CDIN1: variants seen among roughly 807,000 people sequenced by gnomAD.
CDIN1 encodes the protein CDAN1-interacting nuclease 1.
CDIN1 carries 33 observed loss-of-function variants against 45.3 expected under a neutral mutation model. That is an observed-to-expected ratio of 0.73 (90% CI 0.55 to 0.97). The LOEUF is 0.97. CDIN1 is among the 50% of genes least tolerant of loss of function. CDIN1 has a pLI of 0.00. For synonymous variants in CDIN1, 118 were observed against 124.4 expected (o/e 0.95, Z 0.34); for missense variants, 303 against 339.4 (o/e 0.89, Z 0.84).
intron 7 of CDIN1, among the ~76,000 whole-genome samples, chr15:36,695,037 A>G (rs1054515289): frequency 3.3e-5 from 5 of 152,226 alleles, no homozygotes; most frequent in Admixed American, 3.3e-4. Context: ...TAGAAATTTA[A>G]AAAGCACAGC....
At chr15:36,741,209 C>T (rs16963976) in intron 10 of CDIN1, among the ~76,000 whole-genome samples, 6 of 152,128 alleles carry the variant, frequency 3.9e-5, no homozygotes, top group Non-Finnish European at 8.8e-5. Context: ...CCAGAACCAC[C>T]CTGATGCATG....
intron 1 of CDIN1, among the ~76,000 whole-genome samples, chr15:36,620,504 C>T (rs1383158001): frequency 6.6e-6 from 1 of 152,014 alleles, no homozygotes; most frequent in African/African-American, 2.4e-5. Flanking sequence ...ATATGTTATT[C>T]TCTGTTCTTT....
intron 3 of CDIN1, among the ~76,000 whole-genome samples, chr15:36,650,105 C>T (rs943887688): frequency 2.0e-5 from 3 of 152,168 alleles, no homozygotes; most frequent in African/African-American, 7.2e-5. Context: ...AAAGCTGGCT[C>T]CTCCGCCAGT....
intron 10 of CDIN1, among the ~76,000 whole-genome samples, chr15:36,732,033 A>G (rs1020609437): frequency 4.6e-5 from 7 of 152,192 alleles, no homozygotes; most frequent in African/African-American, 1.7e-4. Context: ...ATGAATGATT[A>G]TCACAGTTTT....
chr15:36,696,799 T>A (rs1210068932), intron 7 of CDIN1, among the ~76,000 whole-genome samples: 1 of 151,960 alleles, frequency 6.6e-6, no homozygotes, highest in Non-Finnish European at 1.5e-5. Context: ...AAATCTTTGT[T>A]TGCCAAAATA....
chr15:36,729,291 G>GA (rs2043756565), intron 10 of CDIN1, among the ~76,000 whole-genome samples: 1 of 151,940 alleles, frequency 6.6e-6, no homozygotes, highest in East Asian at 1.9e-4. Context: ...AATTTGGTTG[G>GA]AAAAAAATGA....
intron 10 of CDIN1, among the ~76,000 whole-genome samples, chr15:36,744,481 A>G (rs1214671607): frequency 6.6e-6 from 1 of 152,188 alleles, no homozygotes; most frequent in Non-Finnish European, 1.5e-5. Context: ...GTACCTCTTG[A>G]GCGCCTACTA....
chr15:36,638,137 G>A (rs905352305), intron 1 of CDIN1, among the ~76,000 whole-genome samples: 8 of 152,058 alleles, frequency 5.3e-5, no homozygotes, highest in African/African-American at 1.9e-4. Flanking sequence ...ATAATGACAT[G>A]GATAAATGTT....
At chr15:36,677,407 T>C (rs2041686047) in intron 5 of CDIN1, among the ~76,000 whole-genome samples, 1 of 152,108 alleles carries the variant, frequency 6.6e-6, no homozygotes, top group African/African-American at 2.4e-5. Context: ...GCCACATAAA[T>C]CCAAGCTTGA....
chr15:36,782,321 T>A (rs938774133), intron 10 of CDIN1, among the ~76,000 whole-genome samples: 1 of 152,156 alleles, frequency 6.6e-6, no homozygotes, highest in Non-Finnish European at 1.5e-5. Flanking sequence ...CATTAGATGA[T>A]CAAAAATGTG....
At chr15:36,699,798 A>G (rs776981947) in intron 8 of CDIN1, among the ~76,000 whole-genome samples, 8 of 152,184 alleles carry the variant, frequency 5.3e-5, no homozygotes, top group Non-Finnish European at 8.8e-5. Flanking sequence ...ATGGCACAAG[A>G]TCTAGCCAGG....
intron 1 of CDIN1, among the ~76,000 whole-genome samples, chr15:36,582,501 A>G (rs1218757295): frequency 6.6e-6 from 1 of 152,216 alleles, no homozygotes; most frequent in Non-Finnish European, 1.5e-5. Context: ...GATGCCTATG[A>G]TTTGTGCCTT....
At position 36,619,205 on chromosome 15, in the gene CDIN1, T is replaced by C. The variant is rs1407312619; in HGVS notation, c.102-25073T>C. The C allele has an allele frequency of 2.8e-5, 37 of 1,320,380 alleles. No individual in the cohort carries two copies. In the Middle Eastern group the frequency reaches 8.7e-4, roughly 31 times the overall value. The allele number at this position is 1,320,380 out of a possible 1,614,324, so 81.8% of individuals were successfully genotyped here. ...AGATGCCAGTTTAGTCGTAGGGCTATACCTCAGGGAGTGACATGACGTAAT... is the reference window on the plus strand; with the variant it reads ...AGATGCCAGTTTAGTCGTAGGGCTACACCTCAGGGAGTGACATGACGTAAT... On this transcript the variant is annotated intron_variant, in intron 1 of 10. Coordinates refer to ENST00000566621, the MANE Select transcript of CDIN1 (RefSeq NM_001321759.2).
intron 10 of CDIN1, among the ~76,000 whole-genome samples, chr15:36,763,866 C>CT (rs1286718843): frequency 6.6e-6 from 1 of 152,182 alleles, no homozygotes; most frequent in African/African-American, 2.4e-5. Context: ...GAGGCAAACA[C>CT]TAACTAGAGG....
intron 1 of CDIN1, among the ~76,000 whole-genome samples, chr15:36,595,084 T>G (rs1483820418): frequency 6.6e-6 from 1 of 151,982 alleles, no homozygotes; most frequent in Non-Finnish European, 1.5e-5. Flanking sequence ...ATAAATGTTC[T>G]TTTAAGAAGA....
chr15:36,808,293 G>A (rs577058545), intron 10 of CDIN1, 31 bp from the exon 11 acceptor site: 1 of 1,608,854 alleles, frequency 6.2e-7, no homozygotes, highest in Non-Finnish European at 8.5e-7. Context: ...TTGATACCAT[G>A]TGTGTGTGTT....
chr15:36,763,977 A>C (rs1210818252), intron 10 of CDIN1, among the ~76,000 whole-genome samples: 2 of 152,174 alleles, frequency 1.3e-5, no homozygotes, highest in Admixed American at 6.5e-5. Context: ...ATGCGTACCA[A>C]AACAAACCAC....
chr15:36,779,385 T>C (rs998616611), intron 10 of CDIN1, among the ~76,000 whole-genome samples: 1 of 152,182 alleles, frequency 6.6e-6, no homozygotes, highest in Admixed American at 6.5e-5. Context: ...TTCATTTTTT[T>C]CCTTTGGTGT....
intron 5 of CDIN1, among the ~76,000 whole-genome samples, chr15:36,676,407 A>G (rs911154417): frequency 6.6e-6 from 1 of 152,162 alleles, no homozygotes; most frequent in South Asian, 2.1e-4. Flanking sequence ...ATGATGTTGT[A>G]TGGGCCTTTG....
Sources: gnomAD v4.1 joint callset for allele counts (sites outside exome capture counted in the v4.1 genomes callset) on GRCh38, gnomAD v4.1.1 for gene constraint, MANE v1.5 for transcripts, NCBI Gene and HGNC (gene_info 2026-07-23, HGNC 2026-07-21) for gene names.